LRP8: variants seen among roughly 807,000 people sequenced by gnomAD.
LRP8 encodes low-density lipoprotein receptor-related protein 8.
Under a neutral mutation model 111.6 loss-of-function variants are expected in LRP8, and 46 were observed. That is an observed-to-expected ratio of 0.41 (90% CI 0.33 to 0.53). LRP8 has a LOEUF of 0.53. Ranked by LOEUF, LRP8 falls within the 20% of genes least tolerant of loss-of-function variation. The pLI is 0.20. For synonymous variants in LRP8, 464 were observed against 511.2 expected, an observed-to-expected ratio of 0.91 and a Z score of 1.24; for missense variants, 959 against 1,297.4, an observed-to-expected ratio of 0.74 and a Z score of 4.01.
chr1:53,289,442 A>G, intron 3 of LRP8, 125 bp downstream of exon 3: 1 of 1,301,288 alleles, frequency 7.7e-7, no homozygotes, highest in Admixed American at 2.6e-5. Context: ...GTTTACCAGG[A>G]GCGCCCTGAG....
At chr1:53,321,587 G>A (rs571896031) in intron 2 of LRP8, among the ~76,000 whole-genome samples, 6 of 152,262 alleles carry the variant, frequency 3.9e-5, no homozygotes, top group Non-Finnish European at 8.8e-5. Context: ...GGCTTCACCT[G>A]CTACCAGCAT....
At chr1:53,315,272 C>T (rs1250736465) in intron 2 of LRP8, among the ~76,000 whole-genome samples, 2 of 152,184 alleles carry the variant, frequency 1.3e-5, no homozygotes, top group African/African-American at 4.8e-5. Flanking sequence ...GGCTCCCTGG[C>T]TCCTCCTACT....
At chr1:53,290,852 G>T (rs974831711) in intron 2 of LRP8, among the ~76,000 whole-genome samples, 5 of 152,076 alleles carry the variant, frequency 3.3e-5, no homozygotes, top group Admixed American at 1.3e-4. Context: ...GGGTGCGGGG[G>T]TGTTGGAGAC....
Position 53,294,232 on chromosome 1 carries a change from A to G in LRP8, c.245-4543T>C, listed in dbSNP as rs1333978398. Reference sequence around the variant, plus strand: ...TCAGCCCAGGAGTGATACATAGTCAACCAGGGTCTGCGACATCATAATCTG... The same window carrying G: ...TCAGCCCAGGAGTGATACATAGTCAGCCAGGGTCTGCGACATCATAATCTG... On this transcript the variant is annotated intron_variant, in intron 2 of 18. Coordinates refer to ENST00000306052, the MANE Select transcript of LRP8 (RefSeq NM_004631.5). This position sits in a 1 kb window ranked among gnomAD's most constrained non-coding sequence, Gnocchi z 4.1. Among the ~76,000 whole-genome samples, 7 of 152,322 alleles carry G rather than the reference A, an allele frequency of 4.6e-5. No homozygotes were observed. Among genetic ancestry groups the G allele is most frequent in the African/African-American group, 1.7e-4 (7 of 41,578 alleles).
At chr1:53,316,862 G>T (rs1473206620) in intron 2 of LRP8, among the ~76,000 whole-genome samples, 1 of 152,200 alleles carries the variant, frequency 6.6e-6, no homozygotes, top group African/African-American at 2.4e-5. Flanking sequence ...GTGGCAGGGG[G>T]CAGGCCAGGA....
At chr1:53,311,361 T>C (rs544217340) in intron 2 of LRP8, among the ~76,000 whole-genome samples, 1 of 152,278 alleles carries the variant, frequency 6.6e-6, no homozygotes, top group Admixed American at 6.5e-5. Context: ...GCCCACTTTC[T>C]TGTCCCCTGG....
At chr1:53,290,490 T>G (rs1305650970) in intron 2 of LRP8, among the ~76,000 whole-genome samples, 4 of 152,150 alleles carry the variant, frequency 2.6e-5, no homozygotes, top group Non-Finnish European at 5.9e-5. Flanking sequence ...CAGCTACTGT[T>G]GTTTTCAGGG....
chr1:53,326,989 G>C lies in LRP8; in HGVS notation c.128C>G (p.Pro43Arg), dbSNP rs1249345085. 2 of 1,612,770 alleles carry C rather than the reference G, an allele frequency of 1.2e-6. No individual in the cohort carries two copies. Among genetic ancestry groups the C allele is most frequent in the East Asian group, 2.2e-5 (1 of 44,872 alleles). ...TTGGTCCTTTTCGCAATCCTTGGCC[G>C]GCCCTGCGAGGGGGAGGGAGCGTGA... ...AADPLLGGQGPAKDCEKDQFQ... is the reference protein window; with the variant it reads ...AADPLLGGQGRAKDCEKDQFQ... The change falls in exon 2 of 19, where the codon CCG becomes CGG. Residue 43 changes from proline to arginine, a missense_variant. By Grantham distance (103) the Pro-to-Arg change is moderately radical. Coordinates refer to ENST00000306052, the MANE Select transcript of LRP8 (RefSeq NM_004631.5).
intron 5 of LRP8, among the ~76,000 whole-genome samples, chr1:53,276,115 C>T (rs1302483701): frequency 6.6e-6 from 1 of 152,176 alleles, no homozygotes; most frequent in Non-Finnish European, 1.5e-5. Context: ...ATTTGGCAAA[C>T]CTTCCTGTGC....
In LRP8 at chr1:53,271,360, TG is replaced by T; in HGVS notation, c.1007-15del. 1 of 1,613,796 alleles carries T rather than the reference TG, an allele frequency of 6.2e-7. No individual in the cohort carries two copies. The highest frequency in any genetic ancestry group is 8.5e-7 in the Non-Finnish European group (1 of 1,179,950). ...ACTCGTTCAGCCCTGGGGAGGGACATGGGCTCCTGAAGGTCCAGGAGCCCAG... is the reference window on the plus strand; with the variant it reads ...ACTCGTTCAGCCCTGGGGAGGGACATGGCTCCTGAAGGTCCAGGAGCCCAG... On this transcript the variant is annotated splice_polypyrimidine_tract_variant and intron_variant, in intron 6 of 18. Coordinates refer to ENST00000306052, the MANE Select transcript of LRP8 (RefSeq NM_004631.5).
chr1:53,297,442 C>T (rs1326407842), intron 2 of LRP8, among the ~76,000 whole-genome samples: 1 of 152,196 alleles, frequency 6.6e-6, no homozygotes, highest in Non-Finnish European at 1.5e-5. Context: ...GGAGCCAGCA[C>T]CCGCGTGTGG....
At chr1:53,260,662 T>G in intron 12 of LRP8, 57 bp from the exon 13 acceptor site, 1 of 1,569,784 alleles carries the variant, frequency 6.4e-7, no homozygotes, top group South Asian at 1.2e-5. Context: ...ATGACCTCAG[T>G]CTGAGGGGTT....
Position 53,294,917 on chromosome 1 carries a change from C to T in LRP8, c.245-5228G>A, listed in dbSNP as rs187418930. Among the ~76,000 whole-genome samples, 13 of 152,324 alleles carry T rather than the reference C, an allele frequency of 8.5e-5. No homozygotes were observed. Among genetic ancestry groups the T allele is most frequent in the South Asian group, 4.1e-4 (2 of 4,826 alleles). On this transcript the variant is annotated intron_variant, in intron 2 of 18. Coordinates refer to ENST00000306052, the MANE Select transcript of LRP8 (RefSeq NM_004631.5). The surrounding 1 kb of genome is among the most constrained non-coding windows in gnomAD (Gnocchi z 4.1). The stretch of plus-strand genomic sequence containing the variant: ...GAAGGCTCCAAAATAAAGATTAGTC[C>T]GGGCTGCCCAGGGGCACTGCTCTGT...
chr1:53,296,045 C>G (rs1213822891), intron 2 of LRP8, among the ~76,000 whole-genome samples: 1 of 152,168 alleles, frequency 6.6e-6, no homozygotes, highest in Non-Finnish European at 1.5e-5. Context: ...CAGAGTGAAG[C>G]TGCAGGGACC....
chr1:53,268,800 A>G (rs1006266507), intron 8 of LRP8, among the ~76,000 whole-genome samples: 1 of 152,050 alleles, frequency 6.6e-6, no homozygotes, highest in African/African-American at 2.4e-5. Context: ...TCCACATTCA[A>G]TTCATAAGCA....
chr1:53,307,745 C>T (rs1652250847), intron 2 of LRP8, among the ~76,000 whole-genome samples: 2 of 152,232 alleles, frequency 1.3e-5, no homozygotes, highest in South Asian at 4.1e-4. Context: ...TGGGATTCTC[C>T]CAGAGGGCTG....
At position 53,279,731 on chromosome 1, in the gene LRP8, C is replaced by T. The variant is rs1021297031; in HGVS notation, c.496+856G>A. Among the ~76,000 whole-genome samples the T allele has an allele frequency of 4.6e-5, 7 of 152,216 alleles. No individual in the cohort carries two copies. The highest frequency in any genetic ancestry group is 7.3e-5 in the Non-Finnish European group (5 of 68,032). On this transcript the variant is annotated intron_variant, in intron 4 of 18. Coordinates refer to ENST00000306052, the MANE Select transcript of LRP8 (RefSeq NM_004631.5). The surrounding 1 kb of genome is among the most constrained non-coding windows in gnomAD (Gnocchi z 4.4). ...ATGGGCAAGTGCCTGGCAAGCCCTC[C>T]AGGGTGACCGCCCGTATTTCAGCCC...
At chr1:53,308,126 C>A (rs550241033) in intron 2 of LRP8, among the ~76,000 whole-genome samples, 2 of 152,348 alleles carry the variant, frequency 1.3e-5, no homozygotes, top group East Asian at 1.9e-4. Context: ...TGCACTGCAG[C>A]GAGGCTTTCC....
At chr1:53,319,528 C>T (rs369477123) in intron 2 of LRP8, among the ~76,000 whole-genome samples, 66 of 152,312 alleles carry the variant, frequency 4.3e-4, no homozygotes, top group African/African-American at 1.5e-3. Context: ...GCATTCTATG[C>T]CCCCAAAGCA....
Sources: gnomAD v4.1 joint callset for allele counts (sites outside exome capture counted in the v4.1 genomes callset) on GRCh38, gnomAD v4.1.1 for gene constraint, Gnocchi (gnomAD v3.1) non-coding constraint, MANE v1.5 for transcripts, NCBI Gene and HGNC (gene_info 2026-07-23, HGNC 2026-07-21) for gene names.